VAV2: variants seen among roughly 807,000 people sequenced by gnomAD.
The protein encoded by VAV2 is vav guanine nucleotide exchange factor 2.
A neutral mutation model predicts 132.5 loss-of-function variants in VAV2; 67 were observed. The observed-to-expected ratio is 0.51, with a 90% CI of 0.42 to 0.62. The LOEUF (loss-of-function observed/expected upper bound fraction) is 0.62, where lower values mean the gene tolerates loss of function less well. Among genes scored for constraint, VAV2 ranks in the 20% least tolerant of loss-of-function variants. The pLI is 0.00. For missense variants in VAV2, 938 were observed against 1,153.6 expected (o/e 0.81, Z 2.71); for synonymous variants, 492 against 443.5 (o/e 1.11, Z -1.37).
At chr9:133,809,234 A>T in intron 6 of VAV2, 96 bp from the exon 7 acceptor site, 1 of 1,113,892 alleles carries the variant, frequency 9.0e-7, no homozygotes, top group Non-Finnish European at 1.3e-6. Flanking sequence ...TCCACAAAAG[A>T]GGACTCCTTG....
In VAV2 at chr9:133,783,546, C is replaced by A; in HGVS notation, c.1680G>T (p.Gly560=). ...TCACTTCCAGGCACTCCTTGTGTGC[C>A]CCGACGCCACACTTGGTACACATGT... ...QGYMCTKCGV[G]AHKECLEVIP... The change falls in exon 19 of 30, where the codon GGG becomes GGT. Residue 560 remains glycine, a synonymous_variant. Transcript: ENST00000371850. 6.2e-7 allele frequency: 1 copy of A among 1,613,976 alleles called. No individual in the cohort carries two copies. The highest frequency in any genetic ancestry group is 8.5e-7 in the Non-Finnish European group (1 of 1,179,946).
intron 2 of VAV2, among the ~76,000 whole-genome samples, chr9:133,906,473 A>C (rs963780815): frequency 6.6e-6 from 1 of 152,210 alleles, no homozygotes; most frequent in South Asian, 2.1e-4. Flanking sequence ...TGCACCAAGC[A>C]GGAAGGCTGC....
intron 2 of VAV2, among the ~76,000 whole-genome samples, chr9:133,889,759 C>A (rs1384973624): frequency 6.6e-6 from 1 of 151,734 alleles, no homozygotes; most frequent in African/African-American, 2.4e-5. Context: ...TACACACACA[C>A]ACAAAAAATT....
In VAV2 at chr9:133,863,235, G is replaced by C. The variant is rs1160099538; in HGVS notation, c.322-1803C>G. Among the ~76,000 whole-genome samples, 1 of 152,200 alleles carries C rather than the reference G, an allele frequency of 6.6e-6. No homozygotes were observed. Among genetic ancestry groups the C allele is most frequent in the Non-Finnish European group, 1.5e-5 (1 of 68,028 alleles). On this transcript the variant is annotated intron_variant, in intron 2 of 29. Transcript: ENST00000371850. This position sits in a 1 kb window ranked among gnomAD's most constrained non-coding sequence, Gnocchi z 5.0. ...TCCCAAAGGGTTTGGCAACTACAGGGCACCCAAGCCCCCTCTCACACACCT... is the reference window on the plus strand; with the variant it reads ...TCCCAAAGGGTTTGGCAACTACAGGCCACCCAAGCCCCCTCTCACACACCT...
intron 1 of VAV2, among the ~76,000 whole-genome samples, chr9:133,966,191 A>G (rs766187423): frequency 1.4e-4 from 22 of 152,312 alleles, no homozygotes; most frequent in Non-Finnish European, 2.4e-4. Flanking sequence ...GAAAGAAAAC[A>G]TTGGGGAAAT....
chr9:133,901,242 C>T (rs1344478206), intron 2 of VAV2, among the ~76,000 whole-genome samples: 9 of 152,316 alleles, frequency 5.9e-5, no homozygotes, highest in African/African-American at 1.7e-4. Flanking sequence ...GTCACAATGG[C>T]GACCATTTAT....
intron 2 of VAV2, among the ~76,000 whole-genome samples, chr9:133,911,991 G>C (rs1348203914): frequency 6.6e-6 from 1 of 152,170 alleles, no homozygotes; most frequent in African/African-American, 2.4e-5. Context: ...TGTTCCATAG[G>C]TAAACGTGTG....
At chr9:133,776,164 C>A in intron 23 of VAV2, 84 bp from the exon 24 acceptor site, 1 of 1,552,584 alleles carries the variant, frequency 6.4e-7, no homozygotes, top group South Asian at 1.2e-5. Flanking sequence ...TCAGTGACTG[C>A]CCTGTCCCCA....
At chr9:133,943,843 AT>A (rs1454539483) in intron 1 of VAV2, among the ~76,000 whole-genome samples, 1 of 152,206 alleles carries the variant, frequency 6.6e-6, no homozygotes, top group Non-Finnish European at 1.5e-5. Context: ...TCTCCGGCCC[AT>A]TCATCGGCAG....
rs998852106 is a variant in VAV2 at position 133,912,643 on chromosome 9, G to A, written c.321+26460C>T. Among the ~76,000 whole-genome samples the A allele has an allele frequency of 6.6e-6, 1 of 152,098 alleles. No homozygotes were observed. Among genetic ancestry groups the A allele is most frequent in the Non-Finnish European group, 1.5e-5 (1 of 68,022 alleles). On this transcript the variant is annotated intron_variant, in intron 2 of 29. Transcript: ENST00000371850. This position sits in a 1 kb window ranked among gnomAD's most constrained non-coding sequence, Gnocchi z 4.3. ...TTACACGTGTGATGCTCTTCTCCAC[G>A]TGTGCACAGCACTCCCGAGGCGCTC...
rs1047516082 is a variant in VAV2, at chr9:133,935,101, C to T, written c.321+4002G>A. 2.0e-5 allele frequency among the ~76,000 whole-genome samples: 3 copies of T among 151,812 alleles called. No individual in the cohort carries two copies. The highest frequency in any genetic ancestry group is 4.4e-5 in the Non-Finnish European group (3 of 67,968). On this transcript the variant is annotated intron_variant, in intron 2 of 29. Coordinates refer to ENST00000371850, the MANE Select transcript of VAV2 (RefSeq NM_001134398.2). The surrounding 1 kb of genome is among the most constrained non-coding windows in gnomAD (Gnocchi z 5.2). Reference sequence around the variant, plus strand: ...GTGTTCTGGGGAGAAACAGCTGCCACCCCCGTCCTGGGCAGGCCAAGGGTG... The same window carrying T: ...GTGTTCTGGGGAGAAACAGCTGCCATCCCCGTCCTGGGCAGGCCAAGGGTG...
chr9:133,938,791 GA>G (rs1841022282), intron 2 of VAV2, among the ~76,000 whole-genome samples: 1 of 152,166 alleles, frequency 6.6e-6, no homozygotes, highest in African/African-American at 2.4e-5. Flanking sequence ...CCCCTGGCTA[GA>G]ACCACAGGGC....
rs1843051313 is a variant in VAV2, at chr9:133,992,270, C to T, written c.9G>A (p.Gln3=). 2 of 1,561,258 alleles carry T rather than the reference C, an allele frequency of 1.3e-6. No homozygotes were observed. Among genetic ancestry groups the T allele is most frequent in the African/African-American group, 1.4e-5 (1 of 71,668 alleles). ME[Q]WRQCGRWLID... ...TGAGCCAGCGGCCGCACTGCCGCCA[C>T]TGCTCCATGGCGCCCGCGGGCCCGA... is the stretch of plus-strand genomic sequence containing the variant. The change falls in exon 1 of 30, where the codon CAG becomes CAA. Residue 3 remains glutamine (Q), a synonymous_variant. Transcript: ENST00000371850. This position sits in a 1 kb window ranked among gnomAD's most constrained non-coding sequence, Gnocchi z 5.5.
rs764218046 is a variant in VAV2, at chr9:133,770,473, G to A, written c.2252C>T (p.Ser751Leu). 2.5e-6 allele frequency: 4 copies of A among 1,614,102 alleles called. No individual in the cohort carries two copies. Among genetic ancestry groups the A allele is most frequent in the Non-Finnish European group, 3.4e-6 (4 of 1,179,978 alleles). ...LELVEYYQCH[S>L]LKESFKQLDT... ...CAGCTGCTTGAAGCTCTCCTTCAGT[G>A]AGTGGCACTGGTAGTACTCCACCAA... is the stretch of plus-strand genomic sequence containing the variant. The change falls in exon 27 of 30, where the codon TCA becomes TTA. Residue 751 changes from serine (S) to leucine (L), a missense_variant. By Grantham distance (145) the Ser-to-Leu change is moderately radical (BLOSUM62 -2). Transcript: ENST00000371850.
chr9:133,866,206 C>T (rs1837794134), intron 2 of VAV2, among the ~76,000 whole-genome samples: 2 of 152,256 alleles, frequency 1.3e-5, no homozygotes, highest in African/African-American at 2.4e-5. Context: ...CTGTCTTTGA[C>T]ATCCCTCTTG....
intron 2 of VAV2, among the ~76,000 whole-genome samples, chr9:133,924,221 T>G (rs1172357937): frequency 6.6e-6 from 1 of 152,188 alleles, no homozygotes; most frequent in African/African-American, 2.4e-5. Flanking sequence ...CTCGCTCTGT[T>G]GCCCGGGCTG....
rs1348141124 is a variant in VAV2 at position 133,863,476 on chromosome 9, G to A, written c.322-2044C>T. Among the ~76,000 whole-genome samples the A allele has an allele frequency of 1.3e-5, 2 of 152,230 alleles. No individual in the cohort carries two copies. Among genetic ancestry groups the A allele is most frequent in the Non-Finnish European group, 2.9e-5 (2 of 68,034 alleles). On this transcript the variant is annotated intron_variant, in intron 2 of 29. Transcript: ENST00000371850. The surrounding 1 kb of genome is among the most constrained non-coding windows in gnomAD (Gnocchi z 5.0). ...CGGAGACAGAGAGGAGGCGTGGCGGGCGAGCCAGCCAAGGCCAGAACATGG... is the reference window on the plus strand; with the variant it reads ...CGGAGACAGAGAGGAGGCGTGGCGGACGAGCCAGCCAAGGCCAGAACATGG...
chr9:133,892,505 A>C (rs1283441517), intron 2 of VAV2, among the ~76,000 whole-genome samples: 2 of 151,984 alleles, frequency 1.3e-5, no homozygotes, highest in African/African-American at 4.8e-5. Context: ...CACTTGGCCA[A>C]GATCATCCCA....
chr9:133,982,243 C>A (rs1454113482), intron 1 of VAV2, among the ~76,000 whole-genome samples: 4 of 151,352 alleles, frequency 2.6e-5, no homozygotes, highest in Admixed American at 6.6e-5. Context: ...GCACCGAAGG[C>A]CAGGGAGACT....
Sources: allele counts gnomAD v4.1 joint callset (sites outside exome capture counted in the v4.1 genomes callset), GRCh38; gene constraint gnomAD v4.1.1; non-coding constraint Gnocchi (gnomAD v3.1); transcripts MANE v1.5; gene names NCBI Gene and HGNC (gene_info 2026-07-23, HGNC 2026-07-21).